Variants in LRRIQ1 observed in about 807,000 individuals in gnomAD.
LRRIQ1 encodes the protein leucine rich repeats and IQ motif containing 1, also known as leucine-rich repeat- and IQ domain-containing protein 1.
Under a neutral mutation model 211.9 loss-of-function variants are expected in LRRIQ1, and 210 were observed. The observed-to-expected ratio is 0.99, with a 90% CI of 0.89 to 1.11. The LOEUF (loss-of-function observed/expected upper bound fraction) is 1.11, where lower values mean the gene tolerates loss of function less well. Among genes scored for constraint, LRRIQ1 ranks in the 50% most tolerant of loss-of-function variants. The pLI is 0.00. For synonymous variants in LRRIQ1, 699 were observed against 650.1 expected, an observed-to-expected ratio of 1.08 and a Z score of -1.14; for missense variants, 2,136 against 1,939.5, an observed-to-expected ratio of 1.10 and a Z score of -1.90.
rs1298549037 is a variant in LRRIQ1 at position 85,046,054 on chromosome 12, G to C, written c.371G>C (p.Arg124Thr). The C allele has an allele frequency of 6.2e-7, 1 of 1,610,770 alleles. No individual in the cohort carries two copies. The highest frequency in any genetic ancestry group is 8.5e-7 in the Non-Finnish European group (1 of 1,177,842). ...GAAATAGAAAAAGAAGAATTTATGAGAAGTAAAACCGATTGTGCCACTCCT... is the reference window on the plus strand; with the variant it reads ...GAAATAGAAAAAGAAGAATTTATGACAAGTAAAACCGATTGTGCCACTCCT... ...LSEIEKEEFMRSKTDCATPDF... is the reference protein window; with the variant it reads ...LSEIEKEEFMTSKTDCATPDF... Residue 124 changes from arginine (R) to threonine (T), a missense_variant, in exon 5 of 27, where the codon AGA becomes ACA. Arg to Thr is a moderately conservative substitution (Grantham distance 71, BLOSUM62 -1). Coordinates refer to ENST00000393217, the MANE Select transcript of LRRIQ1 (RefSeq NM_001079910.2).
intron 24 of LRRIQ1, among the ~76,000 whole-genome samples, chr12:85,202,883 C>T (rs1270845541): frequency 6.6e-6 from 1 of 151,878 alleles, no homozygotes; most frequent in Non-Finnish European, 1.5e-5. Context: ...GTCTCACTGG[C>T]CTATGTACTT....
Position 85,207,602 on chromosome 12 carries a change from C to G in LRRIQ1, c.4823-21915C>G, listed in dbSNP as rs1417962708. On this transcript the variant is annotated intron_variant, in intron 24 of 26. Coordinates refer to ENST00000393217, the MANE Select transcript of LRRIQ1 (RefSeq NM_001079910.2). ...GTATCTAAAAAGTTATCACCAAACCCAAGAACACCTAGATTTTGTCCTGTG... is the reference window on the plus strand; with the variant it reads ...GTATCTAAAAAGTTATCACCAAACCGAAGAACACCTAGATTTTGTCCTGTG... 2.0e-5 allele frequency among the ~76,000 whole-genome samples: 3 copies of G among 152,040 alleles called. No individual in the cohort carries two copies. In the East Asian group the frequency reaches 5.8e-4, roughly 29 times the overall value.
At chr12:85,165,591 T>A (rs1292076824) in intron 24 of LRRIQ1, among the ~76,000 whole-genome samples, 2 of 148,086 alleles carry the variant, frequency 1.4e-5, no homozygotes, top group African/African-American at 5.0e-5. Flanking sequence ...TCCTGCCTCA[T>A]CCTCCCAAGT....
At chr12:85,180,605 C>G (rs1891932513) in intron 24 of LRRIQ1, among the ~76,000 whole-genome samples, 1 of 151,794 alleles carries the variant, frequency 6.6e-6, no homozygotes, top group African/African-American at 2.4e-5. Flanking sequence ...ATTTCTTTGT[C>G]CATTTCCTCA....
At position 85,122,343 on chromosome 12, in the gene LRRIQ1, A is replaced by G. The variant is rs1369949747; in HGVS notation, c.3557+467A>G. On this transcript the variant is annotated intron_variant, in intron 16 of 26. Transcript: ENST00000393217. ...TACTTACGTATCAAGGTATCATGGG[A>G]GCACAGTAGAAAAAAGCAGTCAGCA... Among the ~76,000 whole-genome samples the G allele has an allele frequency of 4.6e-5, 7 of 152,126 alleles. No individual in the cohort carries two copies. The East Asian group carries it at 1.3e-3, about 29-fold the overall frequency.
At chr12:85,260,129 T>TAAA (rs34282611) in intron 1 of LRRIQ1, among the ~76,000 whole-genome samples, 11,677 of 115,240 alleles carry the variant, frequency 0.1, 677 homozygotes, top group Admixed American at 0.11. Context: ...TCATGTTGGT[T>TAAA]AAAAAAAAAA....
downstream of LRRIQ1, among the ~76,000 whole-genome samples, chr12:85,249,901 A>G (rs73165931): frequency 0.036 from 5,528 of 152,030 alleles, 192 homozygotes; most frequent in Admixed American, 0.092. Context: ...GGCTTGGCTT[A>G]TATCAGGGAG....
At position 85,047,157 on chromosome 12, in the gene LRRIQ1, A is replaced by C. The variant is rs945373649; in HGVS notation, c.455-90A>C. On this transcript the variant is annotated intron_variant, in intron 5 of 26. Coordinates refer to ENST00000393217, the MANE Select transcript of LRRIQ1 (RefSeq NM_001079910.2). ...CCTAGAACTTAAAGTAAAATTAAAAAAAAATTAAAAAAATTACTTTTATAC... is the reference window on the plus strand; with the variant it reads ...CCTAGAACTTAAAGTAAAATTAAAACAAAATTAAAAAAATTACTTTTATAC... The C allele has an allele frequency of 2.9e-5, 17 of 591,146 alleles. No homozygotes were observed. The South Asian group carries it at 3.4e-4, about 12-fold the overall frequency. 36.6% of individuals were successfully genotyped at this position (591,146 alleles called of 1,614,324 possible). A position where few individuals can be genotyped will look rare whatever the true frequency, so the allele number is the denominator to read the frequency against.
intron 15 of LRRIQ1, among the ~76,000 whole-genome samples, chr12:85,116,377 C>T (rs529014761): frequency 1.3e-5 from 2 of 152,170 alleles, no homozygotes; most frequent in South Asian, 4.1e-4. Context: ...ATCTCCTGAC[C>T]TCGTGATCCG....
At chr12:85,090,679 A>T (rs879748892) in intron 11 of LRRIQ1, among the ~76,000 whole-genome samples, 1 of 152,182 alleles carries the variant, frequency 6.6e-6, no homozygotes, top group African/African-American at 2.4e-5. Flanking sequence ...TGATACTTTC[A>T]TTGTATCTTA....
intron 15 of LRRIQ1, among the ~76,000 whole-genome samples, chr12:85,119,776 C>T (rs1223905388): frequency 3.9e-5 from 6 of 152,042 alleles, no homozygotes; most frequent in African/African-American, 9.7e-5. Context: ...AATATCATGC[C>T]GAACATCTTC....
intron 15 of LRRIQ1, 129 bp downstream of exon 15, chr12:85,106,744 C>A: frequency 1.5e-6 from 1 of 654,374 alleles, no homozygotes; most frequent in Non-Finnish European, 2.6e-6. Context: ...TCATTTTAAA[C>A]CAAAAAAGTT....
chr12:85,057,186 T>C lies in LRRIQ1; in HGVS notation c.2391+2T>C. 7.2e-7 allele frequency: 1 copy of C among 1,389,750 alleles called. No homozygotes were observed. The highest frequency in any genetic ancestry group is 9.5e-7 in the Non-Finnish European group (1 of 1,051,386). 86.1% of individuals were successfully genotyped at this position (1,389,750 alleles called of 1,614,324 possible). ...GGCCCTTGGGATACTTTACAGCAGG[T>C]ATTTCTAATTTTATAATAATTTTTC... On this transcript the variant is annotated splice_donor_variant, in intron 8 of 26. Coordinates refer to ENST00000393217, the MANE Select transcript of LRRIQ1 (RefSeq NM_001079910.2). LOFTEE classifies it high-confidence loss of function.
chr12:85,153,311 A>G (rs992808705), intron 21 of LRRIQ1, among the ~76,000 whole-genome samples, 166 bp downstream of exon 21: 2 of 151,588 alleles, frequency 1.3e-5, no homozygotes, highest in South Asian at 4.1e-4. Flanking sequence ...AGTGTAAGGA[A>G]AATGAATGAA....
rs1428651960 is a variant in LRRIQ1 at position 85,228,277 on chromosome 12, A to G, written c.4823-1240A>G. Among the ~76,000 whole-genome samples, 8 of 152,206 alleles carry G rather than the reference A, an allele frequency of 5.3e-5. No homozygotes were observed. The East Asian group carries it at 1.5e-3, about 29-fold the overall frequency. Reference sequence around the variant, plus strand: ...AAAATTTTTACGATCTACCCATCTGACAAGGGGCTAATATCCAGAATCTAC... The same window carrying G: ...AAAATTTTTACGATCTACCCATCTGGCAAGGGGCTAATATCCAGAATCTAC... On this transcript the variant is annotated intron_variant, in intron 24 of 26. Transcript: ENST00000393217.
intron 11 of LRRIQ1, among the ~76,000 whole-genome samples, chr12:85,089,388 G>A (rs551849688): frequency 6.6e-6 from 1 of 152,326 alleles, no homozygotes; most frequent in South Asian, 2.1e-4. Context: ...AGTTTGGAGG[G>A]CTTAGAAGAA....
intron 15 of LRRIQ1, among the ~76,000 whole-genome samples, chr12:85,116,300 G>A (rs1178627167): frequency 6.6e-6 from 1 of 151,852 alleles, no homozygotes; most frequent in Admixed American, 6.6e-5. Flanking sequence ...CCACCACCAC[G>A]CCTGGCTAAT....
chr12:85,066,859 C>G lies in LRRIQ1; in HGVS notation c.2656C>G (p.Gln886Glu). ...LHGLDGCTNI[Q>E]CLELSYNKIT... ...TGGTTTGGATGGCTGTACTAATATT[C>G]AGTGTCTTGAACTTTCATATAATAA... is the stretch of plus-strand genomic sequence containing the variant. The change falls in exon 10 of 27, where the codon CAG (glutamine) becomes GAG (glutamate). Residue 886 changes from glutamine (Q) to glutamate (E), a missense_variant. Transcript: ENST00000393217. The G allele has an allele frequency of 6.4e-7, 1 of 1,566,934 alleles. No homozygotes were observed. Among genetic ancestry groups the G allele is most frequent in the Non-Finnish European group, 8.7e-7 (1 of 1,147,794 alleles).
In LRRIQ1 at chr12:85,038,314, T is replaced by C. The variant is rs1044605147; in HGVS notation, c.132+6T>C. ...AGAGTGATGATAGTGATACAGTGAG[T>C]ATTGCACTTTTGAGCCTTTTAACAG... On this transcript the variant is annotated splice_donor_region_variant and intron_variant, in intron 2 of 26. Transcript: ENST00000393217. 1.3e-6 allele frequency: 2 copies of C among 1,500,306 alleles called. No individual in the cohort carries two copies. The highest frequency in any genetic ancestry group is 1.8e-6 in the Non-Finnish European group (2 of 1,119,928). 92.9% of individuals were successfully genotyped at this position (1,500,306 alleles called of 1,614,324 possible).
Sources: gnomAD v4.1 joint callset for allele counts (sites outside exome capture counted in the v4.1 genomes callset) on GRCh38, gnomAD v4.1.1 for gene constraint, MANE v1.5 for transcripts, NCBI Gene and HGNC (gene_info 2026-07-23, HGNC 2026-07-21) for gene names.